The following PKD1L3 variants were observed in gnomAD, a reference collection of about 807,000 sequenced individuals.
The protein encoded by PKD1L3 is polycystin-1-like protein 3.
A neutral mutation model predicts 184.1 loss-of-function variants in PKD1L3; 239 were observed. The ratio of observed to expected loss-of-function variants is 1.30; its 90% CI spans 1.17 to 1.45. PKD1L3 has a LOEUF of 1.45. Among genes scored for constraint, PKD1L3 ranks in the 40% most tolerant of loss-of-function variants. PKD1L3 has a pLI of 0.00. For missense variants in PKD1L3, 2,660 were observed against 2,067.2 expected, an observed-to-expected ratio of 1.29 and a Z score of -5.56; for synonymous variants, 996 against 778.8, an observed-to-expected ratio of 1.28 and a Z score of -4.64.
At chr16:71,993,541 T>C (rs1360504560) in intron 2 of PKD1L3, among the ~76,000 whole-genome samples, 1 of 152,200 alleles carries the variant, frequency 6.6e-6, no homozygotes, top group Non-Finnish European at 1.5e-5. Flanking sequence ...AGTTCACTAG[T>C]TGGGTCAACA....
chr16:71,999,904 G>T lies in PKD1L3; in HGVS notation c.75C>A (p.Ser25Arg). ...AATTATTTTGCCCATGTGGTGCTGG[G>T]CTGTTTAGCTCACTTCCTAGAATAA... ...TSIILGSELN[S>R]PAPHGQNNCY... Residue 25 changes from serine to arginine, a missense_variant, in exon 1 of 30, where the codon AGC (serine) becomes AGA (arginine). By Grantham distance (110) the Ser-to-Arg change is moderately radical. Transcript: ENST00000620267. 1 of 1,551,660 alleles carries T rather than the reference G, an allele frequency of 6.4e-7. No individual in the cohort carries two copies. Among genetic ancestry groups the T allele is most frequent in the Non-Finnish European group, 8.7e-7 (1 of 1,146,930 alleles).
chr16:71,939,814 A>G (rs2038299416), intron 24 of PKD1L3, among the ~76,000 whole-genome samples: 1 of 152,166 alleles, frequency 6.6e-6, no homozygotes, highest in Non-Finnish European at 1.5e-5. Context: ...AACTGAATGG[A>G]CCAGTTTAAC....
chr16:71,977,562 T>A, intron 10 of PKD1L3, 95 bp from the exon 11 acceptor site: 2 of 630,222 alleles, frequency 3.2e-6, no homozygotes, highest in Non-Finnish European at 4.8e-6. Context: ...TCCTAGCTCT[T>A]TTTTTTTTTT....
At chr16:71,939,708 G>C (rs2038295634) in intron 24 of PKD1L3, among the ~76,000 whole-genome samples, 1 of 152,154 alleles carries the variant, frequency 6.6e-6, no homozygotes, top group African/African-American at 2.4e-5. Context: ...TTGATTAGGA[G>C]AAAGATGTGA....
intron 9 of PKD1L3, among the ~76,000 whole-genome samples, chr16:71,979,123 ATTAT>A (rs1263732903): frequency 6.6e-6 from 1 of 152,182 alleles, no homozygotes; most frequent in Non-Finnish European, 1.5e-5. Flanking sequence ...TGAGTCAATA[ATTAT>A]TTAGATAGTC....
At chr16:71,935,596 C>T in intron 25 of PKD1L3, 78 bp from the exon 26 acceptor site, 2 of 1,345,970 alleles carry the variant, frequency 1.5e-6, no homozygotes, top group South Asian at 1.4e-5. Flanking sequence ...GTGATGAACG[C>T]AGCTGATGTC....
intron 9 of PKD1L3, among the ~76,000 whole-genome samples, chr16:71,978,948 C>A (rs4788452): frequency 0.76 from 115,728 of 152,014 alleles, 44,301 homozygotes; most frequent in South Asian, 0.86. Flanking sequence ...GATGAATTAT[C>A]GTTGGGATCC....
At chr16:71,978,153 G>T in intron 10 of PKD1L3, 102 bp downstream of exon 10, 1 of 1,291,186 alleles carries the variant, frequency 7.7e-7, no homozygotes, top group Non-Finnish European at 1.1e-6. Context: ...CAATGGCACT[G>T]CCATCAATCT....
chr16:71,994,744 A>C (rs1166481515), intron 2 of PKD1L3, among the ~76,000 whole-genome samples: 1 of 152,214 alleles, frequency 6.6e-6, no homozygotes, highest in South Asian at 2.1e-4. Context: ...CATGCCTGTA[A>C]TCCCCGCACT....
chr16:71,955,063 A>C (rs1447342337), intron 16 of PKD1L3, among the ~76,000 whole-genome samples: 1 of 152,204 alleles, frequency 6.6e-6, no homozygotes, highest in Non-Finnish European at 1.5e-5. Context: ...CAGCTTCATG[A>C]CCAGGAACTA....
intron 1 of PKD1L3, among the ~76,000 whole-genome samples, chr16:71,998,765 T>C (rs967783782): frequency 1.3e-5 from 2 of 152,200 alleles, no homozygotes; most frequent in Non-Finnish European, 2.9e-5. Context: ...AGGCATTTTT[T>C]AAAAGTAAAT....
In PKD1L3 at chr16:71,956,184, ATTTT is replaced by A. The variant is rs35268514; in HGVS notation, c.2613-1887_2613-1884del. 1.4e-3 allele frequency among the ~76,000 whole-genome samples: 113 copies of A among 82,756 alleles called. 1 individual carries two copies. The highest frequency in any genetic ancestry group is 2.7e-3 in the African/African-American group (51 of 18,620). The allele number at this position is 82,756 out of a possible 152,430, so 54.3% of individuals were successfully genotyped here. On this transcript the variant is annotated intron_variant, in intron 16 of 29. Coordinates refer to ENST00000620267, the MANE Select transcript of PKD1L3 (RefSeq NM_181536.2). ...ATCATTTAGCTTTAAAAAGGAAGGA[ATTTT>A]TTTTTTTTTTTTTTTTTTTTGTGAG...
intron 13 of PKD1L3, 65 bp from the exon 14 acceptor site, chr16:71,968,072 A>T: frequency 7.6e-7 from 1 of 1,307,298 alleles, no homozygotes; most frequent in Non-Finnish European, 1.1e-6. Context: ...TGCCTCCTCC[A>T]GCTGAGGAGC....
At chr16:71,985,699 T>C (rs1310307245) in intron 5 of PKD1L3, among the ~76,000 whole-genome samples, 2 of 152,212 alleles carry the variant, frequency 1.3e-5, no homozygotes, top group Non-Finnish European at 2.9e-5. Context: ...CCCAAAGTGC[T>C]GGAATTACAG....
chr16:71,963,072 C>G, intron 16 of PKD1L3, 133 bp downstream of exon 16: 2 of 977,640 alleles, frequency 2.0e-6, no homozygotes, highest in Non-Finnish European at 2.8e-6. Flanking sequence ...ACAACCACAA[C>G]AGTAATGCTT....
intron 24 of PKD1L3, among the ~76,000 whole-genome samples, chr16:71,941,457 C>T (rs938442650): frequency 2.0e-5 from 3 of 150,978 alleles, no homozygotes; most frequent in Admixed American, 2.0e-4. Context: ...GTTACAATGT[C>T]AAAATGCTAG....
At position 71,986,914 on chromosome 16, in the gene PKD1L3, A is replaced by ATTTTTTTTTTTTTT. The variant is rs71153694; in HGVS notation, c.586-459_586-446dup. On this transcript the variant is annotated intron_variant, in intron 4 of 29. Transcript: ENST00000620267. ...GAGGATGTTCAGTGGTAAGGAGAGG[A>ATTTTTTTTTTTTTT]TTTTTTTTTTTTTTTTTTTTTTTTT... Among the ~76,000 whole-genome samples, 4 of 81,366 alleles carry ATTTTTTTTTTTTTT rather than the reference A, an allele frequency of 4.9e-5. 1 individual carries two copies. Among genetic ancestry groups the ATTTTTTTTTTTTTT allele is most frequent in the African/African-American group, 2.2e-4 (4 of 17,802 alleles). The allele number at this position is 81,366 out of a possible 152,430, so 53.4% of individuals were successfully genotyped here.
At chr16:71,953,896 G>A (rs1285980864) in intron 17 of PKD1L3, among the ~76,000 whole-genome samples, 2 of 152,172 alleles carry the variant, frequency 1.3e-5, no homozygotes, top group African/African-American at 4.8e-5. Flanking sequence ...AATCCTGAAA[G>A]TAAGGGTAGT....
chr16:71,944,041 C>G lies in PKD1L3; in HGVS notation c.3848G>C (p.Gly1283Ala), dbSNP rs184883499. ...LKKKKLFKLTGDILVQILFLT... is the reference protein window; with the variant it reads ...LKKKKLFKLTADILVQILFLT... ...TTTCCTCTCCATACCCAAAATATCT[C>G]CAGTCAGCTTGAAGAGTTTCTTCTT... is the stretch of plus-strand genomic sequence containing the variant. The change falls in exon 23 of 30, where the codon GGA (glycine) becomes GCA (alanine). Residue 1283 changes from glycine (G) to alanine (A), a missense_variant. Transcript: ENST00000620267. 1 of 1,551,422 alleles carries G rather than the reference C, an allele frequency of 6.4e-7. No homozygotes were observed. The highest frequency in any genetic ancestry group is 8.7e-7 in the Non-Finnish European group (1 of 1,146,968).
Sources: allele counts gnomAD v4.1 joint callset (sites outside exome capture counted in the v4.1 genomes callset), GRCh38; gene constraint gnomAD v4.1.1; transcripts MANE v1.5; gene names NCBI Gene and HGNC (gene_info 2026-07-23, HGNC 2026-07-21).